Variants in ATF7 observed in about 807,000 individuals in gnomAD.
ATF7 encodes cyclic AMP-dependent transcription factor ATF-7.
In ATF7, 10 loss-of-function variants were observed where a neutral mutation model predicts 50.4. That is an observed-to-expected ratio of 0.20 (90% confidence interval 0.12 to 0.34). The LOEUF (loss-of-function observed/expected upper bound fraction) is 0.34. Among genes scored for constraint, ATF7 ranks in the 10% least tolerant of loss-of-function variants. The probability of loss-of-function intolerance (pLI) is 1.00; values close to 1 mark genes in which losing one functional copy is unlikely to be tolerated. For synonymous variants in ATF7, 201 were observed against 226.4 expected (o/e 0.89, Z 1.01); for missense variants, 465 against 613.9 (o/e 0.76, Z 2.56).
chr12:53,621,914 T>C (rs1404000377), intron 1 of ATF7, among the ~76,000 whole-genome samples: 1 of 152,140 alleles, frequency 6.6e-6, no homozygotes, highest in Non-Finnish European at 1.5e-5. Context: ...TATTAGATTA[T>C]ATCTGAGATG....
intron 5 of ATF7, 134 bp from the exon 6 acceptor site, chr12:53,534,793 T>C: frequency 2.0e-6 from 2 of 1,018,328 alleles, no homozygotes; most frequent in East Asian, 2.7e-5. Context: ...CCTGATTCCA[T>C]CAGGATCAGG....
At chr12:53,536,156 T>C (rs1328727147) in intron 5 of ATF7, among the ~76,000 whole-genome samples, 3 of 152,224 alleles carry the variant, frequency 2.0e-5, no homozygotes, top group Non-Finnish European at 2.9e-5. Context: ...CTGAGTTCTA[T>C]CATTGTCAAA....
At chr12:53,556,624 G>C (rs1391996874) in intron 2 of ATF7, among the ~76,000 whole-genome samples, 2 of 152,180 alleles carry the variant, frequency 1.3e-5, no homozygotes, top group East Asian at 3.9e-4. Flanking sequence ...AAACCAAAGT[G>C]ATTGCTAATC....
At chr12:53,552,690 C>A in intron 2 of ATF7, 53 bp from the exon 3 acceptor site, 1 of 1,394,222 alleles carries the variant, frequency 7.2e-7, no homozygotes, top group South Asian at 1.2e-5. Flanking sequence ...AAACCCGATT[C>A]GGTGCCCTTT....
chr12:53,512,009 G>A (rs982931862), downstream of ATF7: 1 of 152,258 alleles, frequency 6.6e-6, no homozygotes, highest in Non-Finnish European at 1.5e-5. Flanking sequence ...CCAGAAAAGG[G>A]GACAATGGGG....
intron 1 of ATF7, among the ~76,000 whole-genome samples, chr12:53,604,323 G>C (rs1397365410): frequency 6.6e-6 from 1 of 152,040 alleles, no homozygotes; most frequent in African/African-American, 2.4e-5. Flanking sequence ...GTAAATGCTG[G>C]GAGAGAACTG....
chr12:53,605,056 C>G (rs1399883445), intron 1 of ATF7, among the ~76,000 whole-genome samples: 1 of 151,978 alleles, frequency 6.6e-6, no homozygotes, highest in Non-Finnish European at 1.5e-5. Flanking sequence ...GCTAGCAACT[C>G]CAGATTATAA....
chr12:53,568,784 T>C (rs1941591199), intron 2 of ATF7, among the ~76,000 whole-genome samples: 1 of 152,220 alleles, frequency 6.6e-6, no homozygotes, highest in Non-Finnish European at 1.5e-5. Flanking sequence ...GTTTACTTTC[T>C]AACCATAAGT....
intron 2 of ATF7, among the ~76,000 whole-genome samples, chr12:53,596,174 C>T (rs1222077797): frequency 6.6e-6 from 1 of 152,076 alleles, no homozygotes; most frequent in Non-Finnish European, 1.5e-5. Context: ...GCAGTGGGCG[C>T]CTGTAATCCC....
chr12:53,508,934 G>A (rs1023076046), downstream of ATF7, among the ~76,000 whole-genome samples: 1 of 152,194 alleles, frequency 6.6e-6, no homozygotes, highest in East Asian at 1.9e-4. Context: ...CCTCTGCCTG[G>A]CCCTGGCTCT....
In ATF7 at chr12:53,514,911, A is replaced by C. The variant is rs1387970709; in HGVS notation, c.*2226T>G. The C allele has an allele frequency of 6.6e-6, 1 of 152,222 alleles. No homozygotes were observed. Among genetic ancestry groups the C allele is most frequent in the Non-Finnish European group, 1.5e-5 (1 of 68,044 alleles). 9.4% of individuals were successfully genotyped at this position (152,222 alleles called of 1,614,324 possible). Reference sequence around the variant, plus strand: ...GCTTTAGGGCAAGGCTGCTACTGGGAAATCAAGACAATAAAAAAATGAAAC... The same window carrying C: ...GCTTTAGGGCAAGGCTGCTACTGGGCAATCAAGACAATAAAAAAATGAAAC... On this transcript the variant is annotated 3_prime_UTR_variant, in exon 12 of 12. Transcript: ENST00000420353.
At chr12:53,532,984 G>T (rs1049151870) in intron 7 of ATF7, among the ~76,000 whole-genome samples, 176 bp downstream of exon 7, 2 of 152,352 alleles carry the variant, frequency 1.3e-5, no homozygotes, top group Middle Eastern at 3.4e-3. Flanking sequence ...TTTATCTAGT[G>T]TTCCATAGTG....
chr12:53,607,754 A>G (rs1943673630), intron 1 of ATF7, among the ~76,000 whole-genome samples: 1 of 152,186 alleles, frequency 6.6e-6, no homozygotes, highest in Non-Finnish European at 1.5e-5. Context: ...TTAACATCAA[A>G]ATGTTGATAA....
chr12:53,615,257 G>A (rs1334018039), intron 1 of ATF7, among the ~76,000 whole-genome samples: 5 of 151,980 alleles, frequency 3.3e-5, no homozygotes, highest in Non-Finnish European at 5.9e-5. Context: ...GGTGGCGGGC[G>A]CCTGTAGTCC....
chr12:53,579,957 A>G (rs1176050422), intron 2 of ATF7, among the ~76,000 whole-genome samples: 1 of 151,700 alleles, frequency 6.6e-6, no homozygotes. Context: ...TTTTTTTGAG[A>G]CGGAGTCTCA....
intron 9 of ATF7, among the ~76,000 whole-genome samples, chr12:53,526,208 CAAA>C (rs558563596): frequency 2.5e-5 from 3 of 120,950 alleles, no homozygotes; most frequent in African/African-American, 3.2e-5. Flanking sequence ...AACTCGGTCT[CAAA>C]AAAAAAAAAA....
At chr12:53,617,675 A>T (rs749568517) in intron 1 of ATF7, among the ~76,000 whole-genome samples, 1 of 151,902 alleles carries the variant, frequency 6.6e-6, no homozygotes, top group Non-Finnish European at 1.5e-5. Context: ...TACTATACTA[A>T]CTCACCTTTG....
chr12:53,585,200 T>G (rs1056607105), intron 2 of ATF7, among the ~76,000 whole-genome samples: 2 of 152,108 alleles, frequency 1.3e-5, no homozygotes, highest in Non-Finnish European at 2.9e-5. Context: ...GGTCTTGAAC[T>G]CCTGGGCTCC....
chr12:53,537,226 G>GC (rs1400889397), intron 5 of ATF7, among the ~76,000 whole-genome samples, 189 bp downstream of exon 5: 2 of 151,756 alleles, frequency 1.3e-5, no homozygotes, highest in Non-Finnish European at 2.9e-5. Flanking sequence ...GCTCCACCAC[G>GC]CCCAGGTAAT....
Sources: allele counts gnomAD v4.1 joint callset (sites outside exome capture counted in the v4.1 genomes callset), GRCh38; gene constraint gnomAD v4.1.1; transcripts MANE v1.5; gene names NCBI Gene and HGNC (gene_info 2026-07-23, HGNC 2026-07-21).